The following SCAPER variants were observed in gnomAD, a reference collection of about 807,000 sequenced individuals.
The protein encoded by SCAPER is S phase cyclin A-associated protein in the endoplasmic reticulum.
Under a neutral mutation model 182.2 loss-of-function variants are expected in SCAPER, and 98 were observed. The ratio of observed to expected loss-of-function variants is 0.54; its 90% confidence interval spans 0.46 to 0.64. SCAPER has a LOEUF of 0.64. Ranked by LOEUF, SCAPER falls within the 30% of genes least tolerant of loss-of-function variation. The pLI, the probability that SCAPER is intolerant of heterozygous loss-of-function variation, is 0.00. For missense variants in SCAPER, 1,432 were observed against 1,690.0 expected (o/e 0.85, Z 2.68); for synonymous variants, 605 against 564.6 (o/e 1.07, Z -1.01).
intron 22 of SCAPER, among the ~76,000 whole-genome samples, chr15:76,614,224 C>A (rs1237214434): frequency 6.6e-6 from 1 of 152,020 alleles, no homozygotes; most frequent in African/African-American, 2.4e-5. Flanking sequence ...TAGAGGGGAA[C>A]AACATACCTT....
At chr15:76,511,871 GTATA>G (rs1314946833) in intron 23 of SCAPER, among the ~76,000 whole-genome samples, 4 of 100,690 alleles carry the variant, frequency 4.0e-5, no homozygotes, top group African/African-American at 1.7e-4. Flanking sequence ...GTGTGTGTGT[GTATA>G]TATATATATA....
chr15:76,664,852 T>C (rs1376639745), intron 21 of SCAPER, among the ~76,000 whole-genome samples: 1 of 152,202 alleles, frequency 6.6e-6, no homozygotes. Context: ...TAAATTGAAA[T>C]AGACACCTAG....
chr15:76,795,370 C>G lies in SCAPER; in HGVS notation c.682G>C (p.Ala228Pro). 6.2e-7 allele frequency: 1 copy of G among 1,612,112 alleles called. No individual in the cohort carries two copies. Among genetic ancestry groups the G allele is most frequent in the Admixed American group, 1.7e-5 (1 of 59,922 alleles). ...TGVSWADKVK[A>P]HHTGSTASSE... ...GAAGCAGTAGAGCCTGTATGATGAG[C>G]CTTTACCTTGTCAGCCCAACTGACA... is the stretch of plus-strand genomic sequence containing the variant. The change falls in exon 8 of 32, where the codon GCT (alanine) becomes CCT (proline). Residue 228 changes from alanine (A) to proline (P), a missense_variant. Ala to Pro is a conservative substitution (Grantham distance 27). Transcript: ENST00000563290.
At chr15:76,711,373 G>C (rs2059554501) in intron 17 of SCAPER, among the ~76,000 whole-genome samples, 1 of 152,104 alleles carries the variant, frequency 6.6e-6, no homozygotes, top group Non-Finnish European at 1.5e-5. Context: ...CACAAGCTTT[G>C]ACATTTCACC....
At chr15:76,422,945 C>A (rs1043473211) in intron 26 of SCAPER, among the ~76,000 whole-genome samples, 4 of 152,150 alleles carry the variant, frequency 2.6e-5, no homozygotes, top group Non-Finnish European at 5.9e-5. Flanking sequence ...TATGTTGAAC[C>A]AGCCTTGCAT....
At chr15:76,798,371 A>G (rs2065490943) in intron 7 of SCAPER, among the ~76,000 whole-genome samples, 1 of 151,670 alleles carries the variant, frequency 6.6e-6, no homozygotes, top group Non-Finnish European at 1.5e-5. Context: ...AAAAAAAAAA[A>G]AAAGAAAAGA....
chr15:76,479,101 T>C (rs1266617863), intron 24 of SCAPER, among the ~76,000 whole-genome samples: 1 of 152,106 alleles, frequency 6.6e-6, no homozygotes, highest in Admixed American at 6.5e-5. Context: ...AATGTATATC[T>C]ACATAATCTT....
intron 17 of SCAPER, among the ~76,000 whole-genome samples, chr15:76,726,442 C>T (rs1236218658): frequency 2.0e-5 from 3 of 151,354 alleles, no homozygotes; most frequent in African/African-American, 7.3e-5. Context: ...CTATGAAAAA[C>T]AGTAGGGTTC....
intron 24 of SCAPER, among the ~76,000 whole-genome samples, chr15:76,485,173 ACTT>A (rs2051499042): frequency 1.3e-5 from 2 of 152,150 alleles, no homozygotes; most frequent in South Asian, 4.1e-4. Context: ...TAGCCCAAAA[ACTT>A]CTTGAGCTGA....
chr15:76,838,865 T>G (rs2069186193), intron 5 of SCAPER, among the ~76,000 whole-genome samples: 1 of 152,020 alleles, frequency 6.6e-6, no homozygotes, highest in South Asian at 2.1e-4. Context: ...ACCCACAAAT[T>G]TCACAACCAA....
At chr15:76,539,911 G>A (rs903015322) in intron 23 of SCAPER, among the ~76,000 whole-genome samples, 1 of 152,062 alleles carries the variant, frequency 6.6e-6, no homozygotes, top group African/African-American at 2.4e-5. Context: ...GTCCATAATG[G>A]TATATGTAAA....
intron 29 of SCAPER, among the ~76,000 whole-genome samples, chr15:76,370,380 C>G (rs1011411336): frequency 6.8e-6 from 1 of 146,454 alleles, no homozygotes; most frequent in Non-Finnish European, 1.5e-5. Flanking sequence ...TCTCGGCTCA[C>G]TGCAACCTCT....
At chr15:76,491,373 A>G (rs991061240) in intron 24 of SCAPER, among the ~76,000 whole-genome samples, 1 of 152,228 alleles carries the variant, frequency 6.6e-6, no homozygotes, top group Non-Finnish European at 1.5e-5. Context: ...TGCATAAAAC[A>G]TCCATAAACA....
intron 23 of SCAPER, among the ~76,000 whole-genome samples, chr15:76,512,592 G>C (rs2042130125): frequency 6.6e-6 from 1 of 151,958 alleles, no homozygotes; most frequent in Admixed American, 6.6e-5. Context: ...CAGCACTGCA[G>C]AAGTGGAGGG....
At chr15:76,443,463 T>TG (rs2047764610) in intron 25 of SCAPER, among the ~76,000 whole-genome samples, 1 of 152,188 alleles carries the variant, frequency 6.6e-6, no homozygotes. Context: ...AAAAAGTTTA[T>TG]GGGGACAATG....
At chr15:76,493,056 T>C (rs1203085827) in intron 24 of SCAPER, among the ~76,000 whole-genome samples, 1 of 152,022 alleles carries the variant, frequency 6.6e-6, no homozygotes, top group Non-Finnish European at 1.5e-5. Context: ...TGGGTGGGGA[T>C]AGTAGGGAGA....
intron 21 of SCAPER, among the ~76,000 whole-genome samples, chr15:76,652,500 T>C (rs2055236148): frequency 9.5e-6 from 1 of 105,382 alleles, no homozygotes; most frequent in Admixed American, 1.2e-4. Flanking sequence ...TAAATATATA[T>C]ATATATATTT....
intron 29 of SCAPER, among the ~76,000 whole-genome samples, chr15:76,368,340 CTT>C (rs1491286978): frequency 6.6e-6 from 1 of 152,252 alleles, no homozygotes; most frequent in Admixed American, 6.5e-5. Context: ...AACTGCCACT[CTT>C]AACACACAAT....
intron 22 of SCAPER, among the ~76,000 whole-genome samples, chr15:76,620,817 C>T (rs531645040): frequency 1.8e-3 from 273 of 151,978 alleles, no homozygotes; most frequent in Non-Finnish European, 3.2e-3. Flanking sequence ...AACACATAAA[C>T]TTAGGGAGGG....
Sources: gnomAD v4.1 joint callset for allele counts (sites outside exome capture counted in the v4.1 genomes callset) on GRCh38, gnomAD v4.1.1 for gene constraint, MANE v1.5 for transcripts, NCBI Gene and HGNC (gene_info 2026-07-23, HGNC 2026-07-21) for gene names.